GNE: variants seen among roughly 807,000 people sequenced by gnomAD.
GNE encodes the protein glucosamine (UDP-N-acetyl)-2-epimerase/N-acetylmannosamine kinase.
In GNE, 41 loss-of-function variants were observed where a neutral mutation model predicts 61.8. The observed-to-expected ratio is 0.66, with a 90% CI of 0.52 to 0.86. The LOEUF is 0.86. Ranked by LOEUF, GNE falls within the 40% of genes least tolerant of loss-of-function variation. The probability of loss-of-function intolerance (pLI) is 0.00; values close to 1 mark genes in which losing one functional copy is unlikely to be tolerated. For synonymous variants in GNE, 264 were observed against 326.4 expected, an observed-to-expected ratio of 0.81 and a Z score of 2.06; for missense variants, 608 against 909.1, an observed-to-expected ratio of 0.67 and a Z score of 4.26.
At chr9:36,265,505 G>C (rs75700196) in intron 1 of GNE, 1 of 456,322 alleles carries the variant, frequency 2.2e-6, no homozygotes, top group South Asian at 1.5e-5. Context: ...ACAAGAGGTG[G>C]AATAAACTGA....
At position 36,217,579 on chromosome 9, in the gene GNE, C is replaced by G; in HGVS notation, c.1955G>C (p.Gly652Ala). The change falls in exon 12 of 12, where the codon GGG becomes GCG. Residue 652 changes from glycine (G) to alanine (A), a missense_variant. By Grantham distance (60) the Gly-to-Ala change is moderately conservative. Coordinates refer to ENST00000642385, the MANE Select transcript of GNE (RefSeq NM_005476.7). ...LRTAGTALGL[G>A]VVNILHTMNP... is the part of the protein sequence containing the mutation. ...CATGGTATGGAGGATGTTCACAACC[C>G]CAAGACCCAAAGCTGTTCCAGCTAT... 1 of 1,613,230 alleles carries G rather than the reference C, an allele frequency of 6.2e-7. No homozygotes were observed. The highest frequency in any genetic ancestry group is 8.5e-7 in the Non-Finnish European group (1 of 1,179,234).
intron 9 of GNE, among the ~76,000 whole-genome samples, 172 bp downstream of exon 9, chr9:36,222,604 AG>A (rs1426939146): frequency 1.1e-4 from 17 of 152,198 alleles, no homozygotes; most frequent in Non-Finnish European, 7.3e-5. Flanking sequence ...AGAAGGCCAC[AG>A]GCATGTCTAA....
Position 36,246,218 on chromosome 9 carries a change from A to T in GNE, c.429T>A (p.Asp143Glu). 6.2e-7 allele frequency: 1 copy of T among 1,614,220 alleles called. No individual in the cohort carries two copies. The highest frequency in any genetic ancestry group is 1.1e-5 in the South Asian group (1 of 91,088). The change falls in exon 3 of 12, where the codon GAT (aspartate) becomes GAA (glutamate). Residue 143 changes from aspartate to glutamate, a missense_variant. Coordinates refer to ENST00000642385, the MANE Select transcript of GNE (RefSeq NM_005476.7). ...TTGTTATGGCATGTCTGATAGAGTC[A>T]TCAATGGTCCCACTGACTTCCCCAC... ...IEGGEVSGTI[D>E]DSIRHAITKL... is the part of the protein sequence containing the mutation.
intron 4 of GNE, among the ~76,000 whole-genome samples, chr9:36,236,092 G>A (rs150568743): frequency 4.6e-5 from 7 of 152,216 alleles, no homozygotes; most frequent in African/African-American, 1.7e-4. Context: ...TTCAGCTCAA[G>A]ATTACTTTAA....
chr9:36,224,472 C>G (rs953057043), intron 7 of GNE, among the ~76,000 whole-genome samples: 4 of 152,004 alleles, frequency 2.6e-5, no homozygotes, highest in African/African-American at 9.7e-5. Context: ...AACTAAGTAG[C>G]TGAGCTTTAA....
At position 36,227,462 on chromosome 9, in the gene GNE, C is replaced by A. The variant is rs567349676; in HGVS notation, c.1071-4G>T. ...TCCATCCCCATATATCTTTGAACTG[C>A]AATATACAAAAAGTCAATTAAATTA... is the stretch of plus-strand genomic sequence containing the variant. On this transcript the variant is annotated splice_region_variant and splice_polypyrimidine_tract_variant and intron_variant, in intron 6 of 11. Coordinates refer to ENST00000642385, the MANE Select transcript of GNE (RefSeq NM_005476.7). 6.4e-7 allele frequency: 1 copy of A among 1,566,208 alleles called. No homozygotes were observed.
Position 36,219,875 on chromosome 9 carries a change from T to C in GNE, c.1779A>G (p.Gly593=), listed in dbSNP as rs780659199. Residue 593 remains glycine, a synonymous_variant, in exon 10 of 12, where the codon GGA becomes GGG. Coordinates refer to ENST00000642385, the MANE Select transcript of GNE (RefSeq NM_005476.7). ...SHGCIEAYAS[G]MALQREAKKL... ...TTTTTGCCTCCCTCTGCAAGGCCAT[T>C]CCAGAGGCGTATGCTTCAATGCACC... 3 of 1,614,144 alleles carry C rather than the reference T, an allele frequency of 1.9e-6. No homozygotes were observed. In the South Asian group the frequency reaches 3.3e-5, roughly 18 times the overall value.
intron 2 of GNE, 53 bp downstream of exon 2, chr9:36,249,139 G>A (rs549808012): frequency 6.8e-7 from 1 of 1,463,594 alleles, no homozygotes; most frequent in African/African-American, 1.4e-5. Flanking sequence ...CAAAACCCAA[G>A]CTCCTTCTAG....
chr9:36,216,327 ATGTGTGTGTG>A lies in GNE; in HGVS notation c.*1028_*1037del. The A allele has an allele frequency of 1.1e-5, 4 of 355,724 alleles. No individual in the cohort carries two copies. Among genetic ancestry groups the A allele is most frequent in the Middle Eastern group, 7.0e-4 (1 of 1,424 alleles). 22.0% of individuals were successfully genotyped at this position (355,724 alleles called of 1,614,324 possible). On this transcript the variant is annotated 3_prime_UTR_variant, in exon 12 of 12. Transcript: ENST00000642385. ...TTAGTTTGGGGTTAGAGGAGGAAGG[ATGTGTGTGTG>A]TGTGTGTGTGTGTGTGTAGACGGAG...
In GNE at chr9:36,216,405, G is replaced by T. The variant is rs940410060; in HGVS notation, c.*960C>A. ...GGGTGGAGTGCAGTGGCATGATCTC[G>T]GCTCACTGCAACCTCCGCCTCCCGG... On this transcript the variant is annotated 3_prime_UTR_variant, in exon 12 of 12. Coordinates refer to ENST00000642385, the MANE Select transcript of GNE (RefSeq NM_005476.7). 6 of 320,532 alleles carry T rather than the reference G, an allele frequency of 1.9e-5. No individual in the cohort carries two copies. Among genetic ancestry groups the T allele is most frequent in the Non-Finnish European group, 2.7e-5 (4 of 148,836 alleles). 19.9% of individuals were successfully genotyped at this position (320,532 alleles called of 1,614,324 possible).
At chr9:36,233,289 C>T (rs7045219) in intron 5 of GNE, among the ~76,000 whole-genome samples, 4,015 of 152,254 alleles carry the variant, frequency 0.026, 173 homozygotes, top group African/African-American at 0.092. Flanking sequence ...ACATTAGGCC[C>T]AGAAAATAAA....
At chr9:36,241,951 C>T (rs1248222953) in intron 3 of GNE, among the ~76,000 whole-genome samples, 2 of 151,992 alleles carry the variant, frequency 1.3e-5, no homozygotes, top group Non-Finnish European at 2.9e-5. Context: ...ACTTGGCGAA[C>T]ATGATGAAGC....
intron 5 of GNE, among the ~76,000 whole-genome samples, chr9:36,230,288 C>G (rs1408776875): frequency 6.6e-6 from 1 of 152,096 alleles, no homozygotes; most frequent in Non-Finnish European, 1.5e-5. Context: ...ACCACCCCAT[C>G]CTTAAAACAT....
chr9:36,260,021 ACT>A (rs756533050), upstream of GNE, among the ~76,000 whole-genome samples: 58 of 152,216 alleles, frequency 3.8e-4, no homozygotes, highest in Admixed American at 1.0e-3. Context: ...TAGCAGTGAA[ACT>A]CAACTGAAGT....
chr9:36,262,712 C>G (rs1248003677), upstream of GNE, among the ~76,000 whole-genome samples: 1 of 152,182 alleles, frequency 6.6e-6, no homozygotes, highest in East Asian at 1.9e-4. Context: ...TTAAGAGATC[C>G]TCTAATCTAA....
Position 36,218,713 on chromosome 9 carries a change from G to C in GNE, c.1817-414C>G, listed in dbSNP as rs1486738315. On this transcript the variant is annotated intron_variant, in intron 10 of 11. Coordinates refer to ENST00000642385, the MANE Select transcript of GNE (RefSeq NM_005476.7). This position sits in a 1 kb window ranked among gnomAD's most constrained non-coding sequence, Gnocchi z 4.1. ...CGTTCTATGGCAGCGAGGCACAGTG[G>C]CTGAGGAACAGACACAGGCCTGGGG... 1.3e-5 allele frequency among the ~76,000 whole-genome samples: 2 copies of C among 152,220 alleles called. No individual in the cohort carries two copies. Among genetic ancestry groups the C allele is most frequent in the Admixed American group, 6.5e-5 (1 of 15,290 alleles).
At chr9:36,251,775 G>T (rs1275764704) in intron 1 of GNE, among the ~76,000 whole-genome samples, 1 of 151,956 alleles carries the variant, frequency 6.6e-6, no homozygotes, top group East Asian at 1.9e-4. Flanking sequence ...AAATTCACTG[G>T]AAATTCCATC....
chr9:36,217,606 G>A lies in GNE; in HGVS notation c.1934-6C>T. 2 of 1,584,170 alleles carry A rather than the reference G, an allele frequency of 1.3e-6. No homozygotes were observed. Among genetic ancestry groups the A allele is most frequent in the Non-Finnish European group, 1.7e-6 (2 of 1,152,984 alleles). ...AAGACCCAAAGCTGTTCCAGCTATA[G>A]GGAGACAAAAATTAAAATGAGTTTC... On this transcript the variant is annotated splice_polypyrimidine_tract_variant and splice_region_variant and intron_variant, in intron 11 of 11. Transcript: ENST00000642385.
At chr9:36,232,336 G>GC (rs1160683679) in intron 5 of GNE, among the ~76,000 whole-genome samples, 20 of 84,880 alleles carry the variant, frequency 2.4e-4, no homozygotes, top group South Asian at 1.0e-3. Context: ...TTGCCCCCCC[G>GC]CCCCCCCTCC....
Sources: allele counts gnomAD v4.1 joint callset (sites outside exome capture counted in the v4.1 genomes callset), GRCh38; gene constraint gnomAD v4.1.1; non-coding constraint Gnocchi (gnomAD v3.1); transcripts MANE v1.5; gene names NCBI Gene and HGNC (gene_info 2026-07-23, HGNC 2026-07-21).